CDC42EP4: variants seen among roughly 807,000 people sequenced by gnomAD.
CDC42EP4 encodes CDC42 effector protein (Rho GTPase binding) 4.
A neutral mutation model predicts 5.6 loss-of-function variants in CDC42EP4; 6 were observed. The observed-to-expected ratio is 1.07, with a 90% CI of 0.59 to 2.12. CDC42EP4 has a LOEUF of 2.12. Among genes scored for constraint, CDC42EP4 ranks in the 30% most tolerant of loss-of-function variants. CDC42EP4 has a pLI of 0.00. For missense variants in CDC42EP4, 490 were observed against 508.6 expected, an observed-to-expected ratio of 0.96 and a Z score of 0.35; for synonymous variants, 230 against 224.2, an observed-to-expected ratio of 1.03 and a Z score of -0.23.
intron 1 of CDC42EP4, among the ~76,000 whole-genome samples, chr17:73,290,570 A>G (rs1392064303): frequency 1.3e-5 from 2 of 152,172 alleles, no homozygotes; most frequent in Admixed American, 1.3e-4. Context: ...ACAACAAGCA[A>G]AACTGTCTCA....
At chr17:73,306,011 T>C (rs2062242985) in intron 1 of CDC42EP4, among the ~76,000 whole-genome samples, 1 of 152,204 alleles carries the variant, frequency 6.6e-6, no homozygotes, top group African/African-American at 2.4e-5. Context: ...ATCTGGTTTC[T>C]TTCCTGATCT....
intron 1 of CDC42EP4, among the ~76,000 whole-genome samples, chr17:73,296,848 AG>A (rs893431377): frequency 6.7e-6 from 1 of 148,260 alleles, no homozygotes; most frequent in Non-Finnish European, 1.5e-5. Context: ...AGGCGCGGTG[AG>A]GGGGGCCTGT....
In CDC42EP4 at chr17:73,285,854, G is replaced by A; in HGVS notation, c.647C>T (p.Ser216Phe). 7.4e-6 allele frequency: 12 copies of A among 1,613,948 alleles called. No individual in the cohort carries two copies. Among genetic ancestry groups the A allele is most frequent in the Non-Finnish European group, 4.2e-6 (5 of 1,179,920 alleles). ...GATGCTGAGGACGTCACCCAGCATGGAGGGCCCCAGGTCGATGTGGAAGGA... is the reference window on the plus strand; with the variant it reads ...GATGCTGAGGACGTCACCCAGCATGAAGGGCCCCAGGTCGATGTGGAAGGA... ...IMSFHIDLGP[S>F]MLGDVLSIMD... Residue 216 changes from serine (S) to phenylalanine (F), a missense_variant, in exon 2 of 2, where the codon TCC becomes TTC. Coordinates refer to ENST00000335793, the MANE Select transcript of CDC42EP4 (RefSeq NM_012121.5). The surrounding 1 kb of genome is among the most constrained non-coding windows in gnomAD (Gnocchi z 6.8).
rs957781788 is a variant in CDC42EP4, at chr17:73,284,549, C to T, written c.*881G>A. 1 of 151,808 alleles carries T rather than the reference C, an allele frequency of 6.6e-6. No homozygotes were observed. The highest frequency in any genetic ancestry group is 2.4e-5 in the African/African-American group (1 of 41,264). The allele number at this position is 151,808 out of a possible 1,614,324, so 9.4% of individuals were successfully genotyped here. A position where few individuals can be genotyped will look rare whatever the true frequency, so the allele number is the denominator to read the frequency against. ...CAGACTCCAGTCCGCTAATCGCCAC[C>T]AGACTCCAGTCCGCTAATCGCCACT... On this transcript the variant is annotated 3_prime_UTR_variant, in exon 2 of 2. Transcript: ENST00000335793.
chr17:73,303,662 C>CA (rs542149787), intron 1 of CDC42EP4, among the ~76,000 whole-genome samples: 3,173 of 83,748 alleles, frequency 0.038, 48 homozygotes, highest in Middle Eastern at 0.087. Flanking sequence ...ACTCTGTCTC[C>CA]AAAAAAAAAA....
intron 1 of CDC42EP4, among the ~76,000 whole-genome samples, chr17:73,295,400 C>A (rs1402725679): frequency 6.6e-6 from 1 of 152,154 alleles, no homozygotes; most frequent in Non-Finnish European, 1.5e-5. Flanking sequence ...CTGATGTTTG[C>A]TACCATCTTG....
intron 1 of CDC42EP4, among the ~76,000 whole-genome samples, chr17:73,288,933 G>A (rs1444068061): frequency 3.3e-5 from 5 of 152,206 alleles, no homozygotes; most frequent in South Asian, 2.1e-4. Flanking sequence ...GGGCGAGGAC[G>A]TGAGGGATGC....
At chr17:73,304,811 C>T (rs530228293) in intron 1 of CDC42EP4, among the ~76,000 whole-genome samples, 27 of 152,304 alleles carry the variant, frequency 1.8e-4, no homozygotes, top group African/African-American at 6.3e-4. Flanking sequence ...CTGAGCACCT[C>T]ATTCCCCACC....
chr17:73,295,598 G>T (rs1026098171), intron 1 of CDC42EP4, among the ~76,000 whole-genome samples: 1 of 152,138 alleles, frequency 6.6e-6, no homozygotes, highest in African/African-American at 2.4e-5. Context: ...TCAAATAATG[G>T]CTTTAAAATA....
At chr17:73,299,451 ACACACAC>A (rs2062207091) in intron 1 of CDC42EP4, among the ~76,000 whole-genome samples, 1 of 87,460 alleles carries the variant, frequency 1.1e-5, no homozygotes, top group African/African-American at 3.8e-5. Context: ...AAATACACAC[ACACACAC>A]ACACACACAC....
chr17:73,297,895 G>A (rs1053852093), intron 1 of CDC42EP4, among the ~76,000 whole-genome samples: 1 of 151,138 alleles, frequency 6.6e-6, no homozygotes, highest in Non-Finnish European at 1.5e-5. Context: ...CTGACCTCAA[G>A]CAATCCACCC....
chr17:73,308,554 C>A (rs1400027720), intron 1 of CDC42EP4, among the ~76,000 whole-genome samples: 1 of 152,176 alleles, frequency 6.6e-6, no homozygotes, highest in Non-Finnish European at 1.5e-5. Context: ...CACTTCGAAC[C>A]CAATCCAAAC....
Position 73,285,352 on chromosome 17 carries a change from T to C in CDC42EP4, c.*78A>G, listed in dbSNP as rs545541901. 8.4e-7 allele frequency: 1 copy of C among 1,183,530 alleles called. No homozygotes were observed. Among genetic ancestry groups the C allele is most frequent in the South Asian group, 1.5e-5 (1 of 67,952 alleles). The allele number at this position is 1,183,530 out of a possible 1,614,324, so 73.3% of individuals were successfully genotyped here. On this transcript the variant is annotated 3_prime_UTR_variant, in exon 2 of 2. Coordinates refer to ENST00000335793, the MANE Select transcript of CDC42EP4 (RefSeq NM_012121.5). This position sits in a 1 kb window ranked among gnomAD's most constrained non-coding sequence, Gnocchi z 6.8. ...AAGGGTCCTGGCTGCCCCTGCGCCG[T>C]AGGGTCAAAGGTCATAGTGGGGTGG...
intron 1 of CDC42EP4, among the ~76,000 whole-genome samples, chr17:73,297,983 AAAC>A (rs2062197377): frequency 7.0e-6 from 1 of 142,228 alleles, no homozygotes; most frequent in African/African-American, 2.6e-5. Context: ...ACAAACAAAC[AAAC>A]AACAACAGCG....
chr17:73,295,636 C>T lies in CDC42EP4; in HGVS notation c.-112-9024G>A, dbSNP rs557936551. Among the ~76,000 whole-genome samples, 7 of 152,304 alleles carry T rather than the reference C, an allele frequency of 4.6e-5. No homozygotes were observed. The East Asian group carries it at 1.4e-3, about 29-fold the overall frequency. On this transcript the variant is annotated intron_variant, in intron 1 of 1. Transcript: ENST00000335793. ...TGATGGTTTTGGCCAGGTGTGGTGG[C>T]TCATGCCTGTAATCCCAGCACTTTG...
chr17:73,300,487 T>C (rs2062212904), intron 1 of CDC42EP4, among the ~76,000 whole-genome samples: 1 of 152,174 alleles, frequency 6.6e-6, no homozygotes, highest in Non-Finnish European at 1.5e-5. Flanking sequence ...GCCTTCTCTC[T>C]ATGAGTTAAT....
intron 1 of CDC42EP4, chr17:73,311,329 TG>T (rs1282179562): frequency 6.6e-6 from 1 of 152,642 alleles, no homozygotes; most frequent in Non-Finnish European, 1.5e-5. Flanking sequence ...CGGGTGACAT[TG>T]GGTGGCGTGT....
rs1215669128 is a variant in CDC42EP4, at chr17:73,283,778, C to T, written c.*1652G>A. 1 of 152,290 alleles carries T rather than the reference C, an allele frequency of 6.6e-6. No individual in the cohort carries two copies. The highest frequency in any genetic ancestry group is 1.5e-5 in the Non-Finnish European group (1 of 68,102). 9.4% of individuals were successfully genotyped at this position (152,290 alleles called of 1,614,324 possible). A position where few individuals can be genotyped will look rare whatever the true frequency, so the allele number is the denominator to read the frequency against. The stretch of plus-strand genomic sequence containing the variant: ...TTCCTCCCCCACCATGGGACCTAAG[C>T]TATTGGAAACAGGAGCACCAACAGG... On this transcript the variant is annotated 3_prime_UTR_variant, in exon 2 of 2. Coordinates refer to ENST00000335793, the MANE Select transcript of CDC42EP4 (RefSeq NM_012121.5).
chr17:73,291,932 G>A (rs1050883963), intron 1 of CDC42EP4, among the ~76,000 whole-genome samples: 1 of 152,136 alleles, frequency 6.6e-6, no homozygotes, highest in Non-Finnish European at 1.5e-5. Flanking sequence ...CTGAGACTAC[G>A]GAAGACCACC....
Sources: gnomAD v4.1 joint callset for allele counts (sites outside exome capture counted in the v4.1 genomes callset) on GRCh38, gnomAD v4.1.1 for gene constraint, Gnocchi (gnomAD v3.1) non-coding constraint, MANE v1.5 for transcripts, NCBI Gene and HGNC (gene_info 2026-07-23, HGNC 2026-07-21) for gene names.